The following FRMD4A variants were observed in gnomAD, a reference collection of about 807,000 sequenced individuals.
FRMD4A encodes FERM domain-containing protein 4A.
FRMD4A carries 29 observed loss-of-function variants against 129.1 expected under a neutral mutation model. The observed-to-expected ratio is 0.22, with a 90% CI of 0.17 to 0.31. The LOEUF (loss-of-function observed/expected upper bound fraction) is 0.31, where lower values mean the gene tolerates loss of function less well. FRMD4A is among the 10% of genes least tolerant of loss of function. FRMD4A has a pLI of 1.00. For synonymous variants in FRMD4A, 634 were observed against 571.6 expected (o/e 1.11, Z -1.56); for missense variants, 1,272 against 1,375.8 (o/e 0.92, Z 1.19).
intron 2 of FRMD4A, among the ~76,000 whole-genome samples, chr10:14,061,427 G>A (rs993578462): frequency 4.6e-5 from 7 of 152,148 alleles, no homozygotes; most frequent in African/African-American, 1.7e-4. Flanking sequence ...GACAGAGTGA[G>A]ACTCCATCTC....
chr10:13,754,961 C>T (rs1295601102), intron 8 of FRMD4A, among the ~76,000 whole-genome samples: 4 of 152,118 alleles, frequency 2.6e-5, no homozygotes, highest in Admixed American at 6.5e-5. Context: ...GATTTGAAAC[C>T]GAGCTAGCTA....
At chr10:14,244,621 C>T (rs897700113) in intron 2 of FRMD4A, among the ~76,000 whole-genome samples, 1 of 152,116 alleles carries the variant, frequency 6.6e-6, no homozygotes, top group Non-Finnish European at 1.5e-5. Flanking sequence ...TACTACAAAA[C>T]GAAATGAAAA....
chr10:14,021,317 T>C (rs1832736473), intron 2 of FRMD4A, among the ~76,000 whole-genome samples: 1 of 151,598 alleles, frequency 6.6e-6, no homozygotes, highest in African/African-American at 2.4e-5. Context: ...TGAAGCAAAA[T>C]GTTTGCTTGA....
intron 3 of FRMD4A, among the ~76,000 whole-genome samples, chr10:13,834,278 AC>A (rs1813422161): frequency 6.6e-6 from 1 of 152,002 alleles, no homozygotes; most frequent in Non-Finnish European, 1.5e-5. Context: ...AACAACAACA[AC>A]AACAAAACAA....
At chr10:13,723,568 G>A (rs2089641456) in intron 12 of FRMD4A, among the ~76,000 whole-genome samples, 1 of 152,208 alleles carries the variant, frequency 6.6e-6, no homozygotes, top group Non-Finnish European at 1.5e-5. Flanking sequence ...ACTGAAAAAT[G>A]GTTATGATGG....
At chr10:14,239,271 A>G (rs1447215382) in intron 2 of FRMD4A, among the ~76,000 whole-genome samples, 1 of 152,212 alleles carries the variant, frequency 6.6e-6, no homozygotes, top group Non-Finnish European at 1.5e-5. Context: ...AATTTGCTCT[A>G]ATTAAAAGTG....
chr10:14,014,452 G>A (rs191174698), intron 2 of FRMD4A, among the ~76,000 whole-genome samples: 43 of 152,228 alleles, frequency 2.8e-4, no homozygotes, highest in African/African-American at 8.9e-4. Context: ...CAGGAGGGGG[G>A]AGTTTGGAAG....
intron 2 of FRMD4A, among the ~76,000 whole-genome samples, chr10:13,902,241 C>T (rs2094828113): frequency 6.6e-6 from 1 of 152,074 alleles, no homozygotes; most frequent in African/African-American, 2.4e-5. Context: ...CCAGGCTGGT[C>T]TTGAACTCAA....
intron 2 of FRMD4A, among the ~76,000 whole-genome samples, chr10:14,295,453 G>C (rs11258999): frequency 1.3e-5 from 2 of 152,320 alleles, no homozygotes; most frequent in African/African-American, 4.8e-5. Context: ...AGTCACCCTA[G>C]TCCCATTTCT....
chr10:13,851,528 C>A (rs2094139644), intron 3 of FRMD4A, among the ~76,000 whole-genome samples: 1 of 152,088 alleles, frequency 6.6e-6, no homozygotes, highest in Admixed American at 6.6e-5. Flanking sequence ...CCTGTCAGAT[C>A]AGCAGCAGCA....
chr10:14,305,214 C>A (rs190749571), intron 2 of FRMD4A, among the ~76,000 whole-genome samples: 15 of 152,312 alleles, frequency 9.8e-5, no homozygotes, highest in Admixed American at 5.2e-4. Context: ...CTCAGGGGAA[C>A]CTGTGCTTTT....
chr10:13,726,151 G>A (rs140848700), intron 12 of FRMD4A, among the ~76,000 whole-genome samples: 25 of 152,260 alleles, frequency 1.6e-4, no homozygotes, highest in African/African-American at 4.6e-4. Flanking sequence ...GCACACGCCC[G>A]TGGCTCCAGC....
chr10:14,009,583 T>C (rs2095673941), intron 2 of FRMD4A, among the ~76,000 whole-genome samples: 1 of 151,682 alleles, frequency 6.6e-6, no homozygotes, highest in Non-Finnish European at 1.5e-5. Context: ...AGAAGCAGAG[T>C]TTTGTACTAT....
chr10:13,765,106 T>TG (rs1385279728), intron 6 of FRMD4A, among the ~76,000 whole-genome samples: 10 of 143,046 alleles, frequency 7.0e-5, no homozygotes, highest in Non-Finnish European at 1.2e-4. Flanking sequence ...GATTGATTTT[T>TG]TTTTTTTGTT....
At chr10:14,103,482 G>T (rs1170911534) in intron 2 of FRMD4A, among the ~76,000 whole-genome samples, 1 of 152,066 alleles carries the variant, frequency 6.6e-6, no homozygotes, top group African/African-American at 2.4e-5. Context: ...CAGAGGCCTG[G>T]GTCTCTGTTG....
At chr10:13,984,291 C>T (rs1397070390) in intron 2 of FRMD4A, among the ~76,000 whole-genome samples, 1 of 152,218 alleles carries the variant, frequency 6.6e-6, no homozygotes, top group Non-Finnish European at 1.5e-5. Flanking sequence ...ACAGCCCCTT[C>T]CTCATTTCAT....
At chr10:14,295,378 A>C (rs961483213) in intron 2 of FRMD4A, among the ~76,000 whole-genome samples, 3 of 152,202 alleles carry the variant, frequency 2.0e-5, no homozygotes, top group African/African-American at 7.2e-5. Flanking sequence ...CTTCAAATCA[A>C]GAGAAAACAA....
chr10:13,818,913 G>A (rs2093587922), intron 3 of FRMD4A, among the ~76,000 whole-genome samples: 1 of 152,114 alleles, frequency 6.6e-6, no homozygotes, highest in Non-Finnish European at 1.5e-5. Flanking sequence ...ATCACCTGAG[G>A]CCAGGAGTTT....
chr10:14,048,748 G>A (rs909783829), intron 2 of FRMD4A, among the ~76,000 whole-genome samples: 3 of 152,084 alleles, frequency 2.0e-5, no homozygotes, highest in African/African-American at 4.8e-5. Context: ...GGAGGTTGCA[G>A]TGAGCTGAGA....
Sources: gnomAD v4.1 joint callset for allele counts (sites outside exome capture counted in the v4.1 genomes callset) on GRCh38, gnomAD v4.1.1 for gene constraint, MANE v1.5 for transcripts, NCBI Gene and HGNC (gene_info 2026-07-23, HGNC 2026-07-21) for gene names.